MAP3K13: variants seen among roughly 807,000 people sequenced by gnomAD.
The protein encoded by MAP3K13 is leucine zipper-bearing kinase.
A neutral mutation model predicts 104.0 loss-of-function variants in MAP3K13; 52 were observed. The ratio of observed to expected loss-of-function variants is 0.50; its 90% CI spans 0.40 to 0.63. The LOEUF (loss-of-function observed/expected upper bound fraction) is 0.63. MAP3K13 is among the 20% of genes least tolerant of loss of function. The pLI, the probability that MAP3K13 is intolerant of heterozygous loss-of-function variation, is 0.00. For missense variants in MAP3K13, 914 were observed against 1,218.5 expected (o/e 0.75, Z 3.72); for synonymous variants, 394 against 442.2 (o/e 0.89, Z 1.37).
intron 1 of MAP3K13, among the ~76,000 whole-genome samples, chr3:185,410,527 G>A (rs1349330931): frequency 6.6e-6 from 1 of 152,028 alleles, no homozygotes; most frequent in Admixed American, 6.6e-5. Flanking sequence ...AAAGATAAAT[G>A]TTCAAGATGA....
At chr3:185,382,379 G>A (rs1225187322) in intron 1 of MAP3K13, among the ~76,000 whole-genome samples, 1 of 152,160 alleles carries the variant, frequency 6.6e-6, no homozygotes, top group East Asian at 1.9e-4. Context: ...AACTGAAACT[G>A]TGGAAAATGA....
In MAP3K13 at chr3:185,482,516, C is replaced by T. The variant is rs1718524447; in HGVS notation, c.*60C>T. ...TACTGGCATTTCAGATCCACCCCACCCCCAGACTCATCCCACTCTCTCCCA... is the reference window on the plus strand; with the variant it reads ...TACTGGCATTTCAGATCCACCCCACTCCCAGACTCATCCCACTCTCTCCCA... On this transcript the variant is annotated 3_prime_UTR_variant, in exon 14 of 14. Coordinates refer to ENST00000265026, the MANE Select transcript of MAP3K13 (RefSeq NM_004721.5). This position sits in a 1 kb window ranked among gnomAD's most constrained non-coding sequence, Gnocchi z 4.5. 2.4e-6 allele frequency: 3 copies of T among 1,249,792 alleles called. No homozygotes were observed. The African/African-American group carries it at 4.4e-5, about 18-fold the overall frequency. 77.4% of individuals were successfully genotyped at this position (1,249,792 alleles called of 1,614,324 possible).
rs1713908019 is a variant in MAP3K13 at position 185,418,233 on chromosome 3, C to A, written c.-85-10264C>A. ...CTCTCATTCGCTGAGAGGCATAGAC[C>A]TTTTCGATATCATTCCAGGCTTTAA... is the stretch of plus-strand genomic sequence containing the variant. On this transcript the variant is annotated intron_variant, in intron 1 of 13. Coordinates refer to ENST00000265026, the MANE Select transcript of MAP3K13 (RefSeq NM_004721.5). This position sits in a 1 kb window ranked among gnomAD's most constrained non-coding sequence, Gnocchi z 4.5. The A allele has an allele frequency of 1.2e-6, 2 of 1,609,074 alleles. No homozygotes were observed. Among genetic ancestry groups the A allele is most frequent in the Non-Finnish European group, 1.7e-6 (2 of 1,176,768 alleles).
At chr3:185,452,682 G>C (rs556222431) in intron 7 of MAP3K13, among the ~76,000 whole-genome samples, 3 of 152,298 alleles carry the variant, frequency 2.0e-5, no homozygotes, top group Admixed American at 6.5e-5. Context: ...TCAGCTGGGA[G>C]GCTGGCTGGT....
chr3:185,418,892 GCCTTTT>G lies in MAP3K13; in HGVS notation c.-85-9603_-85-9598del. The G allele has an allele frequency of 8.8e-7, 1 of 1,141,532 alleles. No homozygotes were observed. 70.7% of individuals were successfully genotyped at this position (1,141,532 alleles called of 1,614,324 possible). Reference sequence around the variant, plus strand: ...CAGTTCTCTTAATCATGATCATTCTGCCTTTTCTAGAATCAAATGTGAATCTCATTA... The same window carrying G: ...CAGTTCTCTTAATCATGATCATTCTGCTAGAATCAAATGTGAATCTCATTA... On this transcript the variant is annotated intron_variant, in intron 1 of 13. Coordinates refer to ENST00000265026, the MANE Select transcript of MAP3K13 (RefSeq NM_004721.5). This position sits in a 1 kb window ranked among gnomAD's most constrained non-coding sequence, Gnocchi z 4.5.
rs1053256456 is a variant in MAP3K13 at position 185,472,706 on chromosome 3, G to A, written c.1644-269G>A. 4.6e-5 allele frequency among the ~76,000 whole-genome samples: 7 copies of A among 152,114 alleles called. No individual in the cohort carries two copies. The East Asian group carries it at 1.3e-3, about 29-fold the overall frequency. On this transcript the variant is annotated intron_variant, in intron 10 of 13. Coordinates refer to ENST00000265026, the MANE Select transcript of MAP3K13 (RefSeq NM_004721.5). ...GCTCTTTTCAAAGCGATTGTTCTTA[G>A]TGCCTCAATCTAGATCGTGCTTAGA... is the stretch of plus-strand genomic sequence containing the variant.
At chr3:185,327,453 AAGAT>A (rs1478344375) in intron 2 of MAP3K13, among the ~76,000 whole-genome samples, 1 of 152,198 alleles carries the variant, frequency 6.6e-6, no homozygotes, top group Non-Finnish European at 1.5e-5. Flanking sequence ...CTTGTTGCAG[AAGAT>A]CCCCAGGATA....
At chr3:185,312,081 A>G (rs756823169) in intron 2 of MAP3K13, among the ~76,000 whole-genome samples, 27 of 152,248 alleles carry the variant, frequency 1.8e-4, no homozygotes, top group Non-Finnish European at 2.8e-4. Flanking sequence ...TGATTTCAGG[A>G]AACTGGGGAA....
chr3:185,338,055 G>T (rs1053596736), intron 2 of MAP3K13, among the ~76,000 whole-genome samples: 2 of 152,056 alleles, frequency 1.3e-5, no homozygotes, highest in Non-Finnish European at 2.9e-5. Context: ...ATGGCCAGTC[G>T]CAGCGGCTCA....
chr3:185,305,334 G>T (rs1487908175), intron 2 of MAP3K13, among the ~76,000 whole-genome samples: 2 of 151,958 alleles, frequency 1.3e-5, no homozygotes, highest in Non-Finnish European at 2.9e-5. Context: ...TCTTATAATT[G>T]TAACAATCTA....
chr3:185,325,297 T>C (rs1722008779), intron 2 of MAP3K13, among the ~76,000 whole-genome samples: 1 of 152,208 alleles, frequency 6.6e-6, no homozygotes, highest in African/African-American at 2.4e-5. Context: ...GAGGGGGTTC[T>C]CTCACAAGGA....
intron 1 of MAP3K13, among the ~76,000 whole-genome samples, chr3:185,392,049 C>T (rs975606304): frequency 6.6e-6 from 1 of 152,114 alleles, no homozygotes; most frequent in African/African-American, 2.4e-5. Flanking sequence ...TCTTGCATGA[C>T]TTTTACATGC....
At chr3:185,306,401 T>TGG (rs1272984427) in intron 2 of MAP3K13, among the ~76,000 whole-genome samples, 1 of 152,256 alleles carries the variant, frequency 6.6e-6, no homozygotes, top group Non-Finnish European at 1.5e-5. Flanking sequence ...CCACCAACAG[T>TGG]GCATAAGTAT....
In MAP3K13 at chr3:185,482,476, A is replaced by G; in HGVS notation, c.*20A>G. 6.4e-7 allele frequency: 1 copy of G among 1,560,836 alleles called. No homozygotes were observed. The highest frequency in any genetic ancestry group is 8.8e-7 in the Non-Finnish European group (1 of 1,132,028). Reference sequence around the variant, plus strand: ...TGGTAATGAAGGAATACACATCCTGAAGATCTCGTGACTATACTGGCATTT... The same window carrying G: ...TGGTAATGAAGGAATACACATCCTGGAGATCTCGTGACTATACTGGCATTT... On this transcript the variant is annotated 3_prime_UTR_variant, in exon 14 of 14. Transcript: ENST00000265026. This position sits in a 1 kb window ranked among gnomAD's most constrained non-coding sequence, Gnocchi z 4.5.
chr3:185,454,622 A>G (rs1577581667), intron 7 of MAP3K13, among the ~76,000 whole-genome samples: 1 of 47,292 alleles, frequency 2.1e-5, no homozygotes, highest in African/African-American at 5.3e-5. Context: ...TGATATATAT[A>G]TGAGATATAT....
intron 2 of MAP3K13, among the ~76,000 whole-genome samples, chr3:185,352,777 A>T (rs1434889862): frequency 6.6e-6 from 1 of 152,186 alleles, no homozygotes; most frequent in Non-Finnish European, 1.5e-5. Context: ...CCCCTTCCTC[A>T]TTCCTATATT....
chr3:185,355,075 G>T (rs1577456822), intron 2 of MAP3K13, among the ~76,000 whole-genome samples: 1 of 152,142 alleles, frequency 6.6e-6, no homozygotes, highest in South Asian at 2.1e-4. Context: ...ACTGTAAAGT[G>T]CAGTATAAGA....
intron 1 of MAP3K13, among the ~76,000 whole-genome samples, chr3:185,426,014 G>T (rs954100639): frequency 3.9e-5 from 6 of 152,278 alleles, no homozygotes; most frequent in Admixed American, 6.5e-5. Context: ...TGTAATAGGA[G>T]CTCAGTGAAT....
intron 2 of MAP3K13, among the ~76,000 whole-genome samples, chr3:185,340,176 T>C (rs1478906012): frequency 2.0e-5 from 3 of 152,204 alleles, no homozygotes. Context: ...ATGAGTTTAA[T>C]GTATGTAAAG....
Sources: gnomAD v4.1 joint callset for allele counts (sites outside exome capture counted in the v4.1 genomes callset) on GRCh38, gnomAD v4.1.1 for gene constraint, Gnocchi (gnomAD v3.1) non-coding constraint, MANE v1.5 for transcripts, NCBI Gene and HGNC (gene_info 2026-07-23, HGNC 2026-07-21) for gene names.